ZCCHC10: variants seen among roughly 807,000 people sequenced by gnomAD.
ZCCHC10 encodes the protein zinc finger CCHC-type containing 10.
Under a neutral mutation model 19.5 loss-of-function variants are expected in ZCCHC10, and 16 were observed. The ratio of observed to expected loss-of-function variants is 0.82; its 90% CI spans 0.56 to 1.25. The LOEUF (loss-of-function observed/expected upper bound fraction) is 1.25, where lower values mean the gene tolerates loss of function less well. Ranked by LOEUF, ZCCHC10 falls within the 50% of genes most tolerant of loss-of-function variation. The pLI is 0.00. For missense variants in ZCCHC10, 197 were observed against 201.0 expected (o/e 0.98, Z 0.12); for synonymous variants, 67 against 72.5 (o/e 0.92, Z 0.38).
At chr5:133,025,286 C>A (rs1300260247) in intron 1 of ZCCHC10, among the ~76,000 whole-genome samples, 16 of 151,794 alleles carry the variant, frequency 1.1e-4, no homozygotes, top group African/African-American at 3.6e-4. Context: ...GGGCGGATCT[C>A]GAGGTCAGGG....
rs1404170945 is a variant in ZCCHC10 at position 132,998,537 on chromosome 5, C to T, written c.*46G>A. On this transcript the variant is annotated 3_prime_UTR_variant, in exon 5 of 5. Transcript: ENST00000509437. ...ATATTCTAAATTCCCTTTCAAGAAT[C>T]ACATCAATGTTTTCAGTCCATCAGT... is the stretch of plus-strand genomic sequence containing the variant. The T allele has an allele frequency of 3.2e-6, 5 of 1,544,812 alleles. No homozygotes were observed. The highest frequency in any genetic ancestry group is 2.3e-5 in the South Asian group (2 of 86,284).
intron 2 of ZCCHC10, among the ~76,000 whole-genome samples, chr5:133,010,374 G>T (rs1361484048): frequency 6.6e-6 from 1 of 151,634 alleles, no homozygotes; most frequent in African/African-American, 2.4e-5. Context: ...TTCTGTAAAG[G>T]GTCAGGTAGT....
intron 2 of ZCCHC10, 103 bp from the exon 3 acceptor site, chr5:133,007,023 T>C: frequency 8.9e-7 from 1 of 1,123,938 alleles, no homozygotes; most frequent in Non-Finnish European, 1.2e-6. Flanking sequence ...TTTACTCTTA[T>C]GGTCCAATTC....
At chr5:133,020,843 C>T (rs941696365) in intron 2 of ZCCHC10, among the ~76,000 whole-genome samples, 17 of 150,876 alleles carry the variant, frequency 1.1e-4, no homozygotes, top group Non-Finnish European at 2.1e-4. Context: ...GCCTCAGCCT[C>T]CCGAGTAGCT....
chr5:133,011,121 T>A (rs993463294), intron 2 of ZCCHC10, among the ~76,000 whole-genome samples: 6 of 151,944 alleles, frequency 3.9e-5, no homozygotes, highest in Admixed American at 2.0e-4. Flanking sequence ...AAAAATATTT[T>A]TTTTTTCTTT....
intron 1 of ZCCHC10, among the ~76,000 whole-genome samples, chr5:133,026,183 C>A (rs142060819): frequency 6.6e-6 from 1 of 152,182 alleles, no homozygotes; most frequent in African/African-American, 2.4e-5. Flanking sequence ...CCCCTGTCCA[C>A]GCGTGGGGTT....
chr5:133,006,711 A>G (rs1297211593), intron 3 of ZCCHC10, 48 bp downstream of exon 3: 2 of 1,530,316 alleles, frequency 1.3e-6, no homozygotes, highest in African/African-American at 2.8e-5. Flanking sequence ...AATAAATTCT[A>G]TATACACATT....
chr5:133,013,799 G>GA (rs11338391), intron 2 of ZCCHC10, among the ~76,000 whole-genome samples: 22 of 146,276 alleles, frequency 1.5e-4, no homozygotes, highest in South Asian at 6.5e-4. Flanking sequence ...ACTATTTTGG[G>GA]AAAAAAAAAA....
chr5:133,005,066 G>A (rs961441622), intron 3 of ZCCHC10, among the ~76,000 whole-genome samples: 5 of 152,004 alleles, frequency 3.3e-5, no homozygotes, highest in Non-Finnish European at 5.9e-5. Flanking sequence ...TTGGGAGGCC[G>A]AGGCGGGCAG....
chr5:132,998,370 A>T lies in ZCCHC10; in HGVS notation c.*213T>A. The T allele has an allele frequency of 2.1e-6, 1 of 474,024 alleles. No individual in the cohort carries two copies. The highest frequency in any genetic ancestry group is 3.8e-6 in the Non-Finnish European group (1 of 266,378). 29.4% of individuals were successfully genotyped at this position (474,024 alleles called of 1,614,324 possible). ...TAAGTTCTAGAGATATATTTTAAAG[A>T]TAAAAAAAACAAGATTCACCCTTCA... On this transcript the variant is annotated 3_prime_UTR_variant, in exon 5 of 5. Coordinates refer to ENST00000509437, the MANE Select transcript of ZCCHC10 (RefSeq NM_001300816.3).
intron 2 of ZCCHC10, among the ~76,000 whole-genome samples, chr5:133,012,782 G>A (rs1763640350): frequency 6.6e-6 from 1 of 152,080 alleles, no homozygotes; most frequent in South Asian, 2.1e-4. Flanking sequence ...CGGGTGTGGT[G>A]GCTCACGCCT....
chr5:133,005,978 C>CTTTTTTT, intron 3 of ZCCHC10, among the ~76,000 whole-genome samples: 1 of 97,778 alleles, frequency 1.0e-5, no homozygotes, highest in South Asian at 3.3e-4. Context: ...GAAGATGCTG[C>CTTTTTTT]TTTTTTTTTT....
intron 1 of ZCCHC10, 117 bp downstream of exon 1, chr5:133,026,378 AAG>A: frequency 2.1e-6 from 3 of 1,411,560 alleles, no homozygotes; most frequent in Non-Finnish European, 2.9e-6. Context: ...CGGGAGCCAG[AAG>A]AGTGTTTGAG....
At chr5:133,015,771 AC>A (rs1208958868) in intron 2 of ZCCHC10, among the ~76,000 whole-genome samples, 17 of 152,118 alleles carry the variant, frequency 1.1e-4, no homozygotes, top group Admixed American at 4.6e-4. Context: ...TCAATTCCTG[AC>A]CCAGGGAAAC....
intron 3 of ZCCHC10, among the ~76,000 whole-genome samples, chr5:133,005,893 A>G (rs1377313213): frequency 6.6e-6 from 1 of 151,954 alleles, no homozygotes; most frequent in Non-Finnish European, 1.5e-5. Context: ...AAGAACTTTC[A>G]CGTCACAAAT....
Position 133,006,844 on chromosome 5 carries a change from T to C in ZCCHC10, c.184A>G (p.Arg62Gly). 6.2e-7 allele frequency: 1 copy of C among 1,613,078 alleles called. No individual in the cohort carries two copies. The highest frequency in any genetic ancestry group is 1.7e-5 in the Admixed American group (1 of 59,966). The change falls in exon 3 of 5, where the codon AGA (arginine) becomes GGA (glycine). Residue 62 changes from arginine to glycine, a missense_variant. Coordinates refer to ENST00000509437, the MANE Select transcript of ZCCHC10 (RefSeq NM_001300816.3). ...CTTGAGGGCCTATGTAGGTATTTTC[T>C]TTTTCCTGTGCATTCATAAGTCCAA... ...GHWTYECTGK[R>G]KYLHRPSRTA... is the part of the protein sequence containing the mutation.
chr5:132,997,890 A>G lies in ZCCHC10; in HGVS notation c.*693T>C, dbSNP rs574789703. 1.3e-5 allele frequency: 2 copies of G among 152,050 alleles called. No individual in the cohort carries two copies. Among genetic ancestry groups the G allele is most frequent in the African/African-American group, 2.4e-5 (1 of 41,402 alleles). 9.4% of individuals were successfully genotyped at this position (152,050 alleles called of 1,614,324 possible). ...TTTTAACAGAAGGCACCAAGATTAGACTCCTAAGAAGTTTCAATTTTTTTG... is the reference window on the plus strand; with the variant it reads ...TTTTAACAGAAGGCACCAAGATTAGGCTCCTAAGAAGTTTCAATTTTTTTG... On this transcript the variant is annotated 3_prime_UTR_variant, in exon 5 of 5. Transcript: ENST00000509437.
In ZCCHC10 at chr5:133,017,268, C is replaced by G. The variant is rs183284169; in HGVS notation, c.107+5573G>C. ...TCTAATATTTCAAAGCCAAGTTGAC[C>G]CTCTGCATAGACACCTAGTGTGCTC... On this transcript the variant is annotated intron_variant, in intron 2 of 4. Coordinates refer to ENST00000509437, the MANE Select transcript of ZCCHC10 (RefSeq NM_001300816.3). Among the ~76,000 whole-genome samples, 5 of 152,292 alleles carry G rather than the reference C, an allele frequency of 3.3e-5. No homozygotes were observed. In the South Asian group the frequency reaches 1.0e-3, roughly 32 times the overall value.
At chr5:132,998,968 T>C in intron 4 of ZCCHC10, 118 bp from the exon 5 acceptor site, 14 of 1,363,880 alleles carry the variant, frequency 1.0e-5, no homozygotes, top group Non-Finnish European at 1.4e-5. Context: ...CAGTGTGGAG[T>C]GCAGTGGCAC....
Sources: allele counts gnomAD v4.1 joint callset (sites outside exome capture counted in the v4.1 genomes callset), GRCh38; gene constraint gnomAD v4.1.1; transcripts MANE v1.5; gene names NCBI Gene and HGNC (gene_info 2026-07-23, HGNC 2026-07-21).